GABBR2: variants seen among roughly 807,000 people sequenced by gnomAD.
GABBR2 encodes the protein gamma-aminobutyric acid type B receptor subunit 2, also known as G-protein coupled receptor 51.
In GABBR2, 23 loss-of-function variants were observed where a neutral mutation model predicts 105.6. That is an observed-to-expected ratio of 0.22 (90% CI 0.16 to 0.31). GABBR2 has a LOEUF of 0.31. Among genes scored for constraint, GABBR2 ranks in the 10% least tolerant of loss-of-function variants. The pLI, the probability that GABBR2 is intolerant of heterozygous loss-of-function variation, is 1.00. For synonymous variants in GABBR2, 478 were observed against 499.7 expected, an observed-to-expected ratio of 0.96 and a Z score of 0.58; for missense variants, 734 against 1,245.5, an observed-to-expected ratio of 0.59 and a Z score of 6.18.
chr9:98,410,677 G>A (rs1466854206), intron 7 of GABBR2, among the ~76,000 whole-genome samples: 6 of 151,868 alleles, frequency 4.0e-5, no homozygotes, highest in Non-Finnish European at 7.4e-5. Context: ...AGCAGAAACA[G>A]CAGCAGCAGG....
chr9:98,508,814 C>T (rs977922866), intron 3 of GABBR2, among the ~76,000 whole-genome samples: 1 of 152,028 alleles, frequency 6.6e-6, no homozygotes, highest in Non-Finnish European at 1.5e-5. Flanking sequence ...AGGAGGCCTG[C>T]CTGCCTCTGT....
At chr9:98,580,923 C>CT (rs1420491704) in intron 1 of GABBR2, among the ~76,000 whole-genome samples, 2 of 151,970 alleles carry the variant, frequency 1.3e-5, no homozygotes, top group Admixed American at 6.6e-5. Flanking sequence ...TGTTCTCCAC[C>CT]TTCCCCTTAA....
chr9:98,337,578 T>C (rs1831138050), intron 13 of GABBR2, among the ~76,000 whole-genome samples: 1 of 152,208 alleles, frequency 6.6e-6, no homozygotes, highest in African/African-American at 2.4e-5. Context: ...CTTCCAATTT[T>C]AATTGCCACA....
chr9:98,313,567 A>T (rs1209079732), intron 13 of GABBR2, among the ~76,000 whole-genome samples: 1 of 152,222 alleles, frequency 6.6e-6, no homozygotes, highest in Non-Finnish European at 1.5e-5. Context: ...AAATTGATAC[A>T]TCCATACAAC....
chr9:98,648,738 AC>A (rs2131843978), intron 1 of GABBR2, among the ~76,000 whole-genome samples: 2 of 152,220 alleles, frequency 1.3e-5, no homozygotes, highest in African/African-American at 4.8e-5. Flanking sequence ...ACCCCAACCC[AC>A]AGAATGAACC....
At chr9:98,383,028 C>T (rs1832006654) in intron 11 of GABBR2, among the ~76,000 whole-genome samples, 1 of 152,088 alleles carries the variant, frequency 6.6e-6, no homozygotes, top group Non-Finnish European at 1.5e-5. Context: ...GTAACCCCTG[C>T]CTCCCAGGTT....
intron 2 of GABBR2, among the ~76,000 whole-genome samples, chr9:98,576,073 T>C (rs1828903623): frequency 6.6e-6 from 1 of 152,164 alleles, no homozygotes. Context: ...CTCTCTTTCA[T>C]CACACCTGCC....
At chr9:98,496,849 G>A (rs533091847) in intron 3 of GABBR2, among the ~76,000 whole-genome samples, 4 of 152,160 alleles carry the variant, frequency 2.6e-5, no homozygotes, top group African/African-American at 9.6e-5. Context: ...CTATTCAATT[G>A]TGTCTTTGTT....
At chr9:98,357,734 T>G (rs981946661) in intron 13 of GABBR2, among the ~76,000 whole-genome samples, 5 of 152,200 alleles carry the variant, frequency 3.3e-5, no homozygotes, top group African/African-American at 1.2e-4. Context: ...AATGTATATG[T>G]ACAATTTGAA....
chr9:98,674,786 A>C (rs1016727076), intron 1 of GABBR2, among the ~76,000 whole-genome samples: 2 of 152,148 alleles, frequency 1.3e-5, no homozygotes, highest in Non-Finnish European at 2.9e-5. Flanking sequence ...GGGCTCAAGG[A>C]GGATAAGGGA....
chr9:98,685,817 C>T (rs1489792345), intron 1 of GABBR2, among the ~76,000 whole-genome samples: 2 of 152,170 alleles, frequency 1.3e-5, no homozygotes, highest in African/African-American at 4.8e-5. Context: ...GTCAGCCTCC[C>T]AAGTAGCTGG....
intron 13 of GABBR2, among the ~76,000 whole-genome samples, chr9:98,344,935 G>T (rs1307538054): frequency 6.6e-6 from 1 of 152,106 alleles, no homozygotes; most frequent in East Asian, 1.9e-4. Flanking sequence ...AGGCCCTCAG[G>T]TGACTCAAAC....
At chr9:98,618,453 C>G (rs930710631) in intron 1 of GABBR2, among the ~76,000 whole-genome samples, 1 of 151,292 alleles carries the variant, frequency 6.6e-6, no homozygotes, top group African/African-American at 2.4e-5. Context: ...ACAAAAGATG[C>G]CTCCATGCAA....
chr9:98,676,760 T>G (rs921075346), intron 1 of GABBR2, among the ~76,000 whole-genome samples: 1 of 152,224 alleles, frequency 6.6e-6, no homozygotes, highest in Admixed American at 6.5e-5. Context: ...GGACCAGCCA[T>G]AATGTTGACT....
At chr9:98,707,729 T>C (rs1830916398) in intron 1 of GABBR2, among the ~76,000 whole-genome samples, 1 of 152,202 alleles carries the variant, frequency 6.6e-6, no homozygotes, top group African/African-American at 2.4e-5. Context: ...GGACGAGAAC[T>C]GCCAGGGCAC....
intron 13 of GABBR2, among the ~76,000 whole-genome samples, chr9:98,346,773 T>G (rs575387410): frequency 6.6e-6 from 1 of 152,308 alleles, no homozygotes; most frequent in East Asian, 1.9e-4. Context: ...TTCTACCCTC[T>G]TCTTCCATGA....
intron 3 of GABBR2, among the ~76,000 whole-genome samples, chr9:98,500,249 A>G (rs1013782912): frequency 5.9e-5 from 9 of 152,248 alleles, no homozygotes; most frequent in African/African-American, 2.2e-4. Context: ...ACTCACATAC[A>G]CACAAAGAAT....
chr9:98,544,952 C>T (rs1828372668), intron 2 of GABBR2, among the ~76,000 whole-genome samples: 1 of 152,206 alleles, frequency 6.6e-6, no homozygotes, highest in Non-Finnish European at 1.5e-5. Context: ...CACTGCAAGC[C>T]TCCTATGCTC....
intron 7 of GABBR2, among the ~76,000 whole-genome samples, chr9:98,444,022 G>C (rs1463256643): frequency 6.6e-6 from 1 of 152,222 alleles, no homozygotes; most frequent in African/African-American, 2.4e-5. Context: ...CTTTGAGTCA[G>C]TCAGACTTGG....
Sources: allele counts gnomAD v4.1 joint callset (sites outside exome capture counted in the v4.1 genomes callset), GRCh38; gene constraint gnomAD v4.1.1; transcripts MANE v1.5; gene names NCBI Gene and HGNC (gene_info 2026-07-23, HGNC 2026-07-21).